PARP6: variants seen among roughly 807,000 people sequenced by gnomAD.
The protein encoded by PARP6 is poly(ADP-ribose) polymerase family member 6, also known as protein mono-ADP-ribosyltransferase PARP6.
A neutral mutation model predicts 92.0 loss-of-function variants in PARP6; 27 were observed. The ratio of observed to expected loss-of-function variants is 0.29; its 90% CI spans 0.22 to 0.40. PARP6 has a LOEUF of 0.40. PARP6 is among the 10% of genes least tolerant of loss of function. The probability of loss-of-function intolerance (pLI) is 1.00; values close to 1 mark genes in which losing one functional copy is unlikely to be tolerated. For missense variants in PARP6, 501 were observed against 784.5 expected, an observed-to-expected ratio of 0.64 and a Z score of 4.32; for synonymous variants, 272 against 281.2, an observed-to-expected ratio of 0.97 and a Z score of 0.33.
intron 19 of PARP6, 28 bp downstream of exon 19, chr15:72,249,992 A>G: frequency 6.8e-7 from 1 of 1,469,668 alleles, no homozygotes; most frequent in East Asian, 2.3e-5. Context: ...AGCGGTTAGA[A>G]ATAAAGGAGA....
intron 16 of PARP6, 35 bp from the exon 17 acceptor site, chr15:72,251,290 A>C: frequency 1.5e-6 from 2 of 1,342,186 alleles, no homozygotes; most frequent in Non-Finnish European, 2.1e-6. Flanking sequence ...AAAGGATAGA[A>C]TAATTATGTA....
In PARP6 at chr15:72,242,018, A is replaced by G; in HGVS notation, c.1706-33T>C. 6.5e-7 allele frequency: 1 copy of G among 1,543,894 alleles called. No individual in the cohort carries two copies. Among genetic ancestry groups the G allele is most frequent in the Non-Finnish European group, 9.0e-7 (1 of 1,116,068 alleles). ...AAAGAGGGCCAGAAATCATAGATAC[A>G]ATGCTTAAGGCACAGAGTCCAGGCA... On this transcript the variant is annotated intron_variant, in intron 22 of 23. Transcript: ENST00000569795. The surrounding 1 kb of genome is among the most constrained non-coding windows in gnomAD (Gnocchi z 4.3).
chr15:72,243,902 T>A lies in PARP6; in HGVS notation c.1562-1203A>T, dbSNP rs1020309976. 2 of 152,258 alleles carry A rather than the reference T, an allele frequency of 1.3e-5. 1 individual carries two copies. Among genetic ancestry groups the A allele is most frequent in the African/African-American group, 4.8e-5 (2 of 41,472 alleles). 9.4% of individuals were successfully genotyped at this position (152,258 alleles called of 1,614,324 possible). ...CCACTCTGATCAGTTCTTGGTTTTC[T>A]CATAGCCATGGTGTAGAAATAGACT... On this transcript the variant is annotated intron_variant, in intron 20 of 23. Transcript: ENST00000569795.
intron 20 of PARP6, chr15:72,243,985 C>A (rs1298505086): frequency 6.6e-6 from 1 of 152,222 alleles, no homozygotes. Flanking sequence ...CATGCATTTA[C>A]ACTCAAGTCT....
chr15:72,254,564 T>C (rs773532975), intron 14 of PARP6, 44 bp from the exon 15 acceptor site: 1 of 1,476,456 alleles, frequency 6.8e-7, no homozygotes, highest in Non-Finnish European at 9.5e-7. Context: ...TAAAGAAAAG[T>C]AGAGGAAAGT....
intron 2 of PARP6, among the ~76,000 whole-genome samples, chr15:72,270,238 A>G (rs1225720492): frequency 1.3e-5 from 2 of 151,508 alleles, no homozygotes; most frequent in Non-Finnish European, 2.9e-5. Context: ...GATTACTGAG[A>G]TTTGTTTAAA....
chr15:72,250,595 C>CT, intron 18 of PARP6: 1 of 490,256 alleles, frequency 2.0e-6, no homozygotes, highest in South Asian at 2.5e-5. Context: ...TCTCTCCAAT[C>CT]TATTTCTTCA....
intron 8 of PARP6, 76 bp from the exon 9 acceptor site, chr15:72,261,783 T>A: frequency 6.9e-7 from 1 of 1,452,584 alleles, no homozygotes; most frequent in Non-Finnish European, 9.5e-7. Flanking sequence ...AGACAAATAA[T>A]CTAAAATTCA....
At position 72,262,221 on chromosome 15, in the gene PARP6, C is replaced by T. The variant is rs138441102; in HGVS notation, c.396-514G>A. 2.2e-4 allele frequency among the ~76,000 whole-genome samples: 34 copies of T among 152,300 alleles called. 1 individual carries two copies. In the East Asian group the frequency reaches 6.6e-3, roughly 29 times the overall value. On this transcript the variant is annotated intron_variant, in intron 8 of 23. Coordinates refer to ENST00000569795, the MANE Select transcript of PARP6 (RefSeq NM_001323532.2). ...CTTTCACTTGTCCTTGATCAGTTCT[C>T]TCTAGCATTACTCTAAGGTATTGTT... is the stretch of plus-strand genomic sequence containing the variant.
Position 72,259,390 on chromosome 15 carries a change from G to A in PARP6, c.810+218C>T, listed in dbSNP as rs567209909. 1.1e-4 allele frequency among the ~76,000 whole-genome samples: 16 copies of A among 152,306 alleles called. No homozygotes were observed. In the East Asian group the frequency reaches 3.1e-3, roughly 29 times the overall value. ...GACACTCATACACTTAAAATTGGCG[G>A]TGCCTCATTGGCACTTGATCATAAG... is the stretch of plus-strand genomic sequence containing the variant. On this transcript the variant is annotated intron_variant, in intron 11 of 23. Coordinates refer to ENST00000569795, the MANE Select transcript of PARP6 (RefSeq NM_001323532.2).
At chr15:72,270,974 CAT>C (rs2087347236) in intron 2 of PARP6, 47 bp downstream of exon 2, 1 of 152,116 alleles carries the variant, frequency 6.6e-6, no homozygotes, top group Non-Finnish European at 1.5e-5. Context: ...TGTTTCTACA[CAT>C]AGACAAAAAT....
chr15:72,251,423 T>C lies in PARP6; in HGVS notation c.1260-168A>G, dbSNP rs80338429. 9.1e-4 allele frequency: 474 copies of C among 518,650 alleles called. 5 individuals are homozygous for C. The East Asian group carries it at 0.014, about 16-fold the overall frequency. 32.1% of individuals were successfully genotyped at this position (518,650 alleles called of 1,614,324 possible). A position where few individuals can be genotyped will look rare whatever the true frequency, so the allele number is the denominator to read the frequency against. ...ACTATCTGGATATTCCTGTGGGTGA[T>C]AGTGCTTATGAATAAAAAGGTAAAA... is the stretch of plus-strand genomic sequence containing the variant. On this transcript the variant is annotated intron_variant, in intron 16 of 23. Transcript: ENST00000569795.
intron 16 of PARP6, among the ~76,000 whole-genome samples, chr15:72,252,991 G>A (rs1390555361): frequency 6.6e-6 from 1 of 151,738 alleles, no homozygotes; most frequent in Non-Finnish European, 1.5e-5. Context: ...ACTGGCTTGG[G>A]CAACATAGGG....
At chr15:72,266,223 T>C (rs1249318043) in intron 4 of PARP6, among the ~76,000 whole-genome samples, 1 of 152,178 alleles carries the variant, frequency 6.6e-6, no homozygotes, top group Non-Finnish European at 1.5e-5. Context: ...AGACCAAATG[T>C]AGGCTTTTGC....
At chr15:72,268,151 T>C (rs2086858869) in intron 2 of PARP6, among the ~76,000 whole-genome samples, 1 of 152,242 alleles carries the variant, frequency 6.6e-6, no homozygotes. Flanking sequence ...TTATAGATAA[T>C]GAAACACAAA....
At chr15:72,265,032 G>T in intron 7 of PARP6, 49 bp downstream of exon 7, 2 of 1,245,298 alleles carry the variant, frequency 1.6e-6, no homozygotes, top group Non-Finnish European at 2.4e-6. Flanking sequence ...TAGGGCTTTG[G>T]ATTAGACCAC....
At chr15:72,251,521 A>T (rs2084353237) in intron 16 of PARP6, among the ~76,000 whole-genome samples, 1 of 151,756 alleles carries the variant, frequency 6.6e-6, no homozygotes, top group African/African-American at 2.4e-5. Context: ...AAGGGGTGGG[A>T]GGAGTGCTGC....
intron 14 of PARP6, among the ~76,000 whole-genome samples, chr15:72,255,518 G>A (rs1387018735): frequency 3.3e-5 from 5 of 151,856 alleles, no homozygotes; most frequent in African/African-American, 4.8e-5. Flanking sequence ...TTGGCCTCCC[G>A]AAGTGCTAGG....
At chr15:72,252,410 T>C (rs2084485136) in intron 16 of PARP6, among the ~76,000 whole-genome samples, 1 of 152,234 alleles carries the variant, frequency 6.6e-6, no homozygotes, top group Non-Finnish European at 1.5e-5. Flanking sequence ...CGCGAGATAA[T>C]GCATATGCTT....
Sources: allele counts gnomAD v4.1 joint callset (sites outside exome capture counted in the v4.1 genomes callset), GRCh38; gene constraint gnomAD v4.1.1; non-coding constraint Gnocchi (gnomAD v3.1); transcripts MANE v1.5; gene names NCBI Gene and HGNC (gene_info 2026-07-23, HGNC 2026-07-21).